DAPK1: variants seen among roughly 807,000 people sequenced by gnomAD.
DAPK1 encodes the protein death associated protein kinase 1, also known as death-associated protein kinase 1.
A neutral mutation model predicts 144.9 loss-of-function variants in DAPK1; 56 were observed. The ratio of observed to expected loss-of-function variants is 0.39; its 90% confidence interval spans 0.31 to 0.48. DAPK1 has a LOEUF of 0.48. DAPK1 is among the 20% of genes least tolerant of loss of function. The pLI, the probability that DAPK1 is intolerant of heterozygous loss-of-function variation, is 0.95. For synonymous variants in DAPK1, 690 were observed against 749.0 expected (o/e 0.92, Z 1.29); for missense variants, 1,454 against 1,875.4 (o/e 0.78, Z 4.15).
intron 15 of DAPK1, 56 bp from the exon 16 acceptor site, chr9:87,649,864 AT>A: frequency 1.9e-6 from 3 of 1,576,048 alleles, no homozygotes; most frequent in Non-Finnish European, 2.6e-6. Flanking sequence ...ACCTTGCTTT[AT>A]ACTTTGTTTC....
At chr9:87,699,320 T>C (rs1291842038) in intron 23 of DAPK1, among the ~76,000 whole-genome samples, 1 of 152,222 alleles carries the variant, frequency 6.6e-6, no homozygotes, top group Non-Finnish European at 1.5e-5. Flanking sequence ...TACTCAGTAT[T>C]CAGTGTTCAG....
intron 2 of DAPK1, among the ~76,000 whole-genome samples, chr9:87,532,262 T>A (rs1038788807): frequency 5.3e-5 from 8 of 152,252 alleles, no homozygotes; most frequent in Non-Finnish European, 1.0e-4. Flanking sequence ...AAAAGATTTT[T>A]AAAAAGAACA....
At chr9:87,611,920 G>A (rs1386316969) in intron 3 of DAPK1, among the ~76,000 whole-genome samples, 1 of 152,168 alleles carries the variant, frequency 6.6e-6, no homozygotes, top group Admixed American at 6.5e-5. Flanking sequence ...GTTCATTTTG[G>A]GTTTTGCAAT....
At chr9:87,525,624 G>C (rs1825478652) in intron 2 of DAPK1, 1 of 642,006 alleles carries the variant, frequency 1.6e-6, no homozygotes, top group South Asian at 1.9e-5. Flanking sequence ...AAAAGAACCT[G>C]AGGCGGTTCT....
rs570648177 is a variant in DAPK1, at chr9:87,703,076, G to A, written c.2919G>A (p.Leu973=). ...TGTGTGAGAAAATCATCTCCACGCTGCCTTCCTGGAGGAAGCTCAATGGAC... is the reference window on the plus strand; with the variant it reads ...TGTGTGAGAAAATCATCTCCACGCTACCTTCCTGGAGGAAGCTCAATGGAC... ...THLCEKIIST[L]PSWRKLNGPN... is the part of the protein sequence containing the mutation. Residue 973 remains leucine, a synonymous_variant, in exon 25 of 26, where the codon CTG becomes CTA. Transcript: ENST00000408954. 38 of 1,600,898 alleles carry A rather than the reference G, an allele frequency of 2.4e-5. No individual in the cohort carries two copies. Among genetic ancestry groups the A allele is most frequent in the Non-Finnish European group, 3.1e-5 (36 of 1,168,000 alleles).
intron 14 of DAPK1, 69 bp from the exon 15 acceptor site, chr9:87,648,712 C>G: frequency 7.1e-7 from 1 of 1,406,132 alleles, no homozygotes; most frequent in Non-Finnish European, 1.0e-6. Flanking sequence ...GGGTGTAGGC[C>G]TTGGGTTCTG....
chr9:87,643,097 C>G (rs1564040545), intron 10 of DAPK1, among the ~76,000 whole-genome samples: 1 of 152,118 alleles, frequency 6.6e-6, no homozygotes, highest in African/African-American at 2.4e-5. Flanking sequence ...TGTGGGGTGT[C>G]CAGCTCTGTA....
intron 23 of DAPK1, among the ~76,000 whole-genome samples, chr9:87,699,318 A>G (rs1825379602): frequency 6.6e-6 from 1 of 152,236 alleles, no homozygotes; most frequent in Non-Finnish European, 1.5e-5. Flanking sequence ...AGTACTCAGT[A>G]TTCAGTGTTC....
intron 2 of DAPK1, among the ~76,000 whole-genome samples, chr9:87,521,133 G>C (rs1464448792): frequency 1.3e-5 from 2 of 152,232 alleles, no homozygotes; most frequent in Non-Finnish European, 2.9e-5. Context: ...CAGCACTGCT[G>C]ATTGCAATAG....
At chr9:87,644,908 A>C (rs1388087646) in intron 11 of DAPK1, among the ~76,000 whole-genome samples, 1 of 152,194 alleles carries the variant, frequency 6.6e-6, no homozygotes, top group South Asian at 2.1e-4. Flanking sequence ...TTGCACTTTC[A>C]TGTAAACGCC....
intron 21 of DAPK1, among the ~76,000 whole-genome samples, chr9:87,687,697 G>GT (rs1452954534): frequency 6.6e-6 from 1 of 151,836 alleles, no homozygotes; most frequent in Non-Finnish European, 1.5e-5. Context: ...TCAATTTTTA[G>GT]TCTTTTTGAG....
intron 2 of DAPK1, among the ~76,000 whole-genome samples, chr9:87,560,909 A>C (rs914669129): frequency 2.0e-5 from 3 of 151,908 alleles, no homozygotes; most frequent in East Asian, 3.9e-4. Flanking sequence ...CAGGTGATCC[A>C]CCCACCTCGG....
At chr9:87,537,447 G>A (rs1171297373) in intron 2 of DAPK1, among the ~76,000 whole-genome samples, 1 of 151,976 alleles carries the variant, frequency 6.6e-6, no homozygotes, top group Admixed American at 6.6e-5. Context: ...TTGTGAATGT[G>A]GTATGTGTAT....
At chr9:87,647,231 G>C (rs137983263) in intron 13 of DAPK1, 74 bp from the exon 14 acceptor site, 2 of 1,175,476 alleles carry the variant, frequency 1.7e-6, no homozygotes, top group African/African-American at 1.5e-5. Context: ...GGAAATAACA[G>C]TGAGTCTGAG....
chr9:87,598,580 G>T (rs913657966), intron 2 of DAPK1, among the ~76,000 whole-genome samples: 2 of 152,072 alleles, frequency 1.3e-5, no homozygotes, highest in African/African-American at 4.8e-5. Context: ...CCTGGGCTTG[G>T]CACCAGCTTA....
chr9:87,692,444 T>C (rs987029349), intron 21 of DAPK1, among the ~76,000 whole-genome samples: 1 of 152,184 alleles, frequency 6.6e-6, no homozygotes, highest in South Asian at 2.1e-4. Flanking sequence ...TCTGTATCTT[T>C]TAGGTGGAAA....
Position 87,707,761 on chromosome 9 carries a change from T to G in DAPK1, c.*397T>G, listed in dbSNP as rs1351106672. On this transcript the variant is annotated 3_prime_UTR_variant, in exon 26 of 26. Coordinates refer to ENST00000408954, the MANE Select transcript of DAPK1 (RefSeq NM_004938.4). The surrounding 1 kb of genome is among the most constrained non-coding windows in gnomAD (Gnocchi z 4.0). ...TCCTTTAAAAAAGAAAAGTGCATAT[T>G]TATCCAAAATGTGTATTTCTTATAC... 4.5e-6 allele frequency: 2 copies of G among 447,166 alleles called. No individual in the cohort carries two copies. Among genetic ancestry groups the G allele is most frequent in the African/African-American group, 4.0e-5 (2 of 49,420 alleles). 27.7% of individuals were successfully genotyped at this position (447,166 alleles called of 1,614,324 possible).
chr9:87,539,481 G>A (rs1825968078), intron 2 of DAPK1, among the ~76,000 whole-genome samples: 1 of 147,596 alleles, frequency 6.8e-6, no homozygotes. Context: ...CCAGGCTGGA[G>A]TACAGTGGTA....
At chr9:87,656,762 C>G (rs1313250982) in intron 17 of DAPK1, among the ~76,000 whole-genome samples, 1 of 152,190 alleles carries the variant, frequency 6.6e-6, no homozygotes, top group Non-Finnish European at 1.5e-5. Flanking sequence ...TGTTCCCAAT[C>G]TACTGTTAGG....
Sources: allele counts gnomAD v4.1 joint callset (sites outside exome capture counted in the v4.1 genomes callset), GRCh38; gene constraint gnomAD v4.1.1; non-coding constraint Gnocchi (gnomAD v3.1); transcripts MANE v1.5; gene names NCBI Gene and HGNC (gene_info 2026-07-23, HGNC 2026-07-21).